The following C1GALT1 variants were observed in gnomAD, a reference collection of about 807,000 sequenced individuals.
C1GALT1 encodes the protein core 1 synthase, glycoprotein-N-acetylgalactosamine 3-beta-galactosyltransferase 1.
A neutral mutation model predicts 31.0 loss-of-function variants in C1GALT1; 11 were observed. The observed-to-expected ratio is 0.36, with a 90% CI of 0.22 to 0.59. C1GALT1 has a LOEUF of 0.59. Among genes scored for constraint, C1GALT1 ranks in the 20% least tolerant of loss-of-function variants. The probability of loss-of-function intolerance (pLI) is 0.79; values close to 1 mark genes in which losing one functional copy is unlikely to be tolerated. For synonymous variants in C1GALT1, 175 were observed against 143.6 expected (o/e 1.22, Z -1.56); for missense variants, 424 against 425.2 (o/e 1.00, Z 0.03).
intron 1 of C1GALT1, among the ~76,000 whole-genome samples, chr7:7,211,786 T>A (rs531057155): frequency 6.6e-6 from 1 of 152,346 alleles, no homozygotes; most frequent in East Asian, 1.9e-4. Flanking sequence ...GTATAGTGAT[T>A]CAGATTTTTA....
intron 1 of C1GALT1, among the ~76,000 whole-genome samples, chr7:7,206,167 G>A (rs981657007): frequency 3.3e-5 from 5 of 151,872 alleles, no homozygotes; most frequent in African/African-American, 1.2e-4. Context: ...TTTATACATT[G>A]TGTGTCAAAA....
chr7:7,226,786 A>G (rs1183930678), intron 1 of C1GALT1, among the ~76,000 whole-genome samples: 1 of 152,236 alleles, frequency 6.6e-6, no homozygotes, highest in Admixed American at 6.5e-5. Flanking sequence ...CTTGTTGAGC[A>G]TGGAATCTAG....
At chr7:7,236,759 C>T (rs781154583) in intron 2 of C1GALT1, among the ~76,000 whole-genome samples, 1 of 151,984 alleles carries the variant, frequency 6.6e-6, no homozygotes, top group Admixed American at 6.6e-5. Context: ...CTCCTGACCT[C>T]GTGATCTACC....
At chr7:7,242,050 G>A (rs1783653291) in intron 3 of C1GALT1, among the ~76,000 whole-genome samples, 1 of 151,958 alleles carries the variant, frequency 6.6e-6, no homozygotes, top group African/African-American at 2.4e-5. Flanking sequence ...CACTAAGTAT[G>A]TGTGGTTATT....
intron 1 of C1GALT1, among the ~76,000 whole-genome samples, chr7:7,186,777 A>G (rs928566707): frequency 2.6e-5 from 4 of 152,186 alleles, no homozygotes; most frequent in Admixed American, 1.3e-4. Context: ...ACAAGCAGTT[A>G]GTATTAGGTT....
chr7:7,238,267 A>C lies in C1GALT1; in HGVS notation c.233A>C (p.Asp78Ala). The C allele has an allele frequency of 6.3e-7, 1 of 1,599,888 alleles. No individual in the cohort carries two copies. Among genetic ancestry groups the C allele is most frequent in the Non-Finnish European group, 8.5e-7 (1 of 1,175,884 alleles). ...DSSQHKDENT[D>A]IAENLYQKVR... is the part of the protein sequence containing the mutation. ...TTTTGTTTAATAGATGAGAACACAG[A>C]CATTGCTGAAAACCTCTATCAGAAA... is the stretch of plus-strand genomic sequence containing the variant. The change falls in exon 3 of 4, where the codon GAC becomes GCC. Residue 78 changes from aspartate (D) to alanine (A), a missense_variant. Asp to Ala is a moderately radical substitution (Grantham distance 126). Transcript: ENST00000436587. The surrounding 1 kb of genome is among the most constrained non-coding windows in gnomAD (Gnocchi z 5.2).
intron 2 of C1GALT1, among the ~76,000 whole-genome samples, chr7:7,168,676 A>C (rs951705940): frequency 9.9e-5 from 15 of 152,224 alleles, no homozygotes; most frequent in African/African-American, 3.4e-4. Flanking sequence ...AAATGAACTA[A>C]AATGTGGTAT....
upstream of C1GALT1, chr7:7,178,039 A>T: frequency 4.4e-6 from 1 of 225,544 alleles, no homozygotes; most frequent in East Asian, 1.1e-4. Flanking sequence ...AAAAGGCTGG[A>T]GCTGTGTTTA....
intron 1 of C1GALT1, among the ~76,000 whole-genome samples, chr7:7,201,475 T>C (rs1562569905): frequency 1.3e-5 from 2 of 152,184 alleles, no homozygotes; most frequent in Non-Finnish European, 2.9e-5. Flanking sequence ...GGAGGCAGTC[T>C]GTCTGTTCTC....
chr7:7,202,940 G>C (rs1438154712), intron 1 of C1GALT1, among the ~76,000 whole-genome samples: 1 of 152,100 alleles, frequency 6.6e-6, no homozygotes, highest in Admixed American at 6.5e-5. Flanking sequence ...ATCTTTCACT[G>C]TCTTGGTTAA....
chr7:7,230,577 C>A (rs1391287518), intron 1 of C1GALT1, among the ~76,000 whole-genome samples: 1 of 148,086 alleles, frequency 6.8e-6, no homozygotes, highest in Non-Finnish European at 1.5e-5. Context: ...CTAAATCAAC[C>A]ACCTTACTAT....
At chr7:7,178,013 C>A, upstream of C1GALT1, 2 of 222,756 alleles carry the variant, frequency 9.0e-6, no homozygotes, top group South Asian at 1.5e-4. Flanking sequence ...TTGGGCTTAC[C>A]AAAGTGGTGG....
intron 1 of C1GALT1, among the ~76,000 whole-genome samples, chr7:7,198,069 T>G (rs915127693): frequency 6.6e-6 from 1 of 152,198 alleles, no homozygotes; most frequent in Non-Finnish European, 1.5e-5. Context: ...CTTCCAACAC[T>G]ATGTTGAATA....
rs1259279963 is a variant in C1GALT1 at position 7,224,175 on chromosome 7, C to A, written c.-17-10128C>A. Among the ~76,000 whole-genome samples, 4 of 151,870 alleles carry A rather than the reference C, an allele frequency of 2.6e-5. No homozygotes were observed. In the South Asian group the frequency reaches 6.2e-4, roughly 24 times the overall value. ...AATACTTTGTGAAATACTAATACTT[C>A]ATTAAGTATTAGTACTTAACATGCT... On this transcript the variant is annotated intron_variant, in intron 1 of 3. Coordinates refer to ENST00000436587, the MANE Select transcript of C1GALT1 (RefSeq NM_020156.5).
intron 1 of C1GALT1, among the ~76,000 whole-genome samples, chr7:7,201,055 G>A (rs771541115): frequency 2.6e-5 from 4 of 152,202 alleles, no homozygotes; most frequent in African/African-American, 9.7e-5. Context: ...GAGGAGCTGC[G>A]TTCCTTTGGA....
At chr7:7,201,370 G>C (rs188945836) in intron 1 of C1GALT1, among the ~76,000 whole-genome samples, 1 of 152,132 alleles carries the variant, frequency 6.6e-6, no homozygotes, top group African/African-American at 2.4e-5. Flanking sequence ...TGGAAGCTTC[G>C]TCTCAGAGGG....
chr7:7,194,656 C>T (rs1487840275), intron 1 of C1GALT1, among the ~76,000 whole-genome samples: 1 of 151,642 alleles, frequency 6.6e-6, no homozygotes, highest in Non-Finnish European at 1.5e-5. Flanking sequence ...ATATTATTTA[C>T]TGGTTTTAGT....
intron 2 of C1GALT1, among the ~76,000 whole-genome samples, chr7:7,169,519 G>T (rs1279991438): frequency 6.6e-6 from 1 of 150,742 alleles, no homozygotes; most frequent in Non-Finnish European, 1.5e-5. Context: ...GTCAACACTT[G>T]TTATTTTCTG....
intron 2 of C1GALT1, among the ~76,000 whole-genome samples, chr7:7,162,178 A>T (rs562992129): frequency 1.3e-5 from 2 of 149,132 alleles, no homozygotes; most frequent in African/African-American, 2.5e-5. Context: ...GGTTAGTTAC[A>T]TATGTATACA....
Sources: gnomAD v4.1 joint callset for allele counts (sites outside exome capture counted in the v4.1 genomes callset) on GRCh38, gnomAD v4.1.1 for gene constraint, Gnocchi (gnomAD v3.1) non-coding constraint, MANE v1.5 for transcripts, NCBI Gene and HGNC (gene_info 2026-07-23, HGNC 2026-07-21) for gene names.